OR6N1: variants seen among roughly 807,000 people sequenced by gnomAD.
OR6N1 encodes the protein olfactory receptor 6N1.
For synonymous variants in OR6N1, 170 were observed against 150.7 expected (o/e 1.13, Z -0.94); for missense variants, 394 against 371.7 (o/e 1.06, Z -0.49).
the OR6N1 span, among the ~76,000 whole-genome samples, chr1:158,836,703 T>C: frequency 6.6e-6 from 1 of 151,748 alleles, no homozygotes; most frequent in Non-Finnish European, 1.5e-5. Flanking sequence ...CTTTATTATT[T>C]TTCTAATCTC....
At chr1:158,821,025 C>T in the OR6N1 span, among the ~76,000 whole-genome samples, 1 of 152,186 alleles carries the variant, frequency 6.6e-6, no homozygotes, top group African/African-American at 2.4e-5. Context: ...TACTAAAATC[C>T]TATCACAGGG....
At chr1:158,777,776 C>T in the OR6N1 span, 1 of 599,524 alleles carries the variant, frequency 1.7e-6, no homozygotes, top group African/African-American at 1.9e-5. Context: ...ACTACTATTA[C>T]TATTACTGTA....
chr1:158,808,367 T>A, the OR6N1 span: 1 of 152,520 alleles, frequency 6.6e-6, no homozygotes, highest in Non-Finnish European at 1.5e-5. Flanking sequence ...GACCTCGTGA[T>A]CCACCCGCCT....
the OR6N1 span, among the ~76,000 whole-genome samples, chr1:158,838,144 T>C: frequency 6.6e-6 from 1 of 151,970 alleles, no homozygotes; most frequent in Non-Finnish European, 1.5e-5. Context: ...AAAAGTCATG[T>C]TTCATGTTTA....
chr1:158,802,005 A>G, the OR6N1 span, among the ~76,000 whole-genome samples: 1 of 151,884 alleles, frequency 6.6e-6, no homozygotes, highest in Non-Finnish European at 1.5e-5. Flanking sequence ...TCCTTGCTAT[A>G]TGTTCTCTGG....
At chr1:158,797,121 G>C in the OR6N1 span, among the ~76,000 whole-genome samples, 4 of 152,226 alleles carry the variant, frequency 2.6e-5, no homozygotes, top group Non-Finnish European at 5.9e-5. Flanking sequence ...CTTCAGCCAA[G>C]ATACAGAGAG....
chr1:158,765,994 G>C lies in OR6N1; in HGVS notation c.689C>G (p.Ser230Ter), dbSNP rs768208648. The C allele has an allele frequency of 1.9e-6, 3 of 1,614,210 alleles. No individual in the cohort carries two copies. Among genetic ancestry groups the C allele is most frequent in the Non-Finnish European group, 2.5e-6 (3 of 1,180,026 alleles). The change falls in exon 2 of 2, where the codon TCA becomes TGA. Residue 230 changes from serine (S) to a stop codon, truncating the protein, a stop_gained. Transcript: ENST00000641846. LOFTEE classifies it low-confidence loss of function (END_TRUNC). ...GATGGCCTTCCTCTTGCCGGCAGCT[G>C]AGGGAATTCTGAGCACTGTGCAGAT... The part of the protein sequence containing the change: ...QIICTVLRIP[S>*]AAGKRKAIST...
rs113836910 is a variant in OR6N1, at chr1:158,766,485, G to C, written c.198C>G (p.Leu66=). The C allele has an allele frequency of 1.7e-5, 27 of 1,614,088 alleles. No homozygotes were observed. The African/African-American group carries it at 2.7e-4, about 16-fold the overall frequency. ...HTPMYHFVSI[L]SFSELGYTAA... ...CTGTATAGCCAAGCTCTGAGAAGGA[G>C]AGAATGCTGACAAAGTGGTACATGG... Residue 66 remains leucine (L), a synonymous_variant, in exon 2 of 2, where the codon CTC becomes CTG. Transcript: ENST00000641846.
At chr1:158,770,042 CT>C (rs1388091515) in intron 1 of OR6N1, among the ~76,000 whole-genome samples, 1 of 152,130 alleles carries the variant, frequency 6.6e-6, no homozygotes, top group African/African-American at 2.4e-5. Context: ...ATAAAAGGTT[CT>C]ATTCTAGAGC....
chr1:158,825,502 C>A, the OR6N1 span, among the ~76,000 whole-genome samples: 1 of 151,034 alleles, frequency 6.6e-6, no homozygotes, highest in Non-Finnish European at 1.5e-5. Flanking sequence ...ATACATGGGA[C>A]CAACAAGCAT....
the OR6N1 span, among the ~76,000 whole-genome samples, chr1:158,786,028 G>T: frequency 1.3e-5 from 2 of 152,076 alleles, no homozygotes; most frequent in Non-Finnish European, 2.9e-5. Flanking sequence ...TAAACTAAAA[G>T]GTTCTGCACA....
chr1:158,788,658 G>A, the OR6N1 span, among the ~76,000 whole-genome samples: 1 of 151,934 alleles, frequency 6.6e-6, no homozygotes, highest in Non-Finnish European at 1.5e-5. Context: ...TCTTTATTTA[G>A]CTGGAAACAT....
At chr1:158,827,241 T>C in the OR6N1 span, among the ~76,000 whole-genome samples, 1 of 152,200 alleles carries the variant, frequency 6.6e-6, no homozygotes, top group East Asian at 1.9e-4. Flanking sequence ...AACACAAGGA[T>C]AGTTGGAACA....
the OR6N1 span, among the ~76,000 whole-genome samples, chr1:158,811,650 T>G: frequency 6.6e-6 from 1 of 152,168 alleles, no homozygotes; most frequent in African/African-American, 2.4e-5. Flanking sequence ...TTTGCATCAC[T>G]TGTAGATACA....
At chr1:158,819,340 C>A in the OR6N1 span, among the ~76,000 whole-genome samples, 2 of 152,198 alleles carry the variant, frequency 1.3e-5, no homozygotes, top group Non-Finnish European at 2.9e-5. Flanking sequence ...TCATTTCCTA[C>A]ATTCACAGGA....
the OR6N1 span, among the ~76,000 whole-genome samples, chr1:158,826,317 T>C: frequency 6.6e-6 from 1 of 152,152 alleles, no homozygotes; most frequent in Non-Finnish European, 1.5e-5. Flanking sequence ...GAAATTAATA[T>C]GATTAAAGAT....
the OR6N1 span, among the ~76,000 whole-genome samples, chr1:158,821,998 T>C: frequency 6.6e-6 from 1 of 152,238 alleles, no homozygotes. Context: ...TATCTCATTA[T>C]TCTTCATTTG....
At chr1:158,772,931 T>C (rs962579487), upstream of OR6N1, among the ~76,000 whole-genome samples, 2 of 152,188 alleles carry the variant, frequency 1.3e-5, no homozygotes, top group Non-Finnish European at 2.9e-5. Context: ...TCTGCATACA[T>C]GTATCAAAAC....
the OR6N1 span, among the ~76,000 whole-genome samples, chr1:158,807,757 C>G: frequency 6.6e-6 from 1 of 152,148 alleles, no homozygotes; most frequent in African/African-American, 2.4e-5. Context: ...CCACTCCTAG[C>G]TTTAATTTAT....
Sources: gnomAD v4.1 joint callset for allele counts (sites outside exome capture counted in the v4.1 genomes callset) on GRCh38, gnomAD v4.1.1 for gene constraint, MANE v1.5 for transcripts, NCBI Gene and HGNC (gene_info 2026-07-23, HGNC 2026-07-21) for gene names.